The following AJAP1 variants were observed in gnomAD, a reference collection of about 807,000 sequenced individuals.
AJAP1 encodes the protein adherens junction-associated protein 1.
AJAP1 carries 5 observed loss-of-function variants against 35.0 expected under a neutral mutation model. The observed-to-expected ratio is 0.14, with a 90% confidence interval of 0.07 to 0.30. The LOEUF (loss-of-function observed/expected upper bound fraction) is 0.30. Ranked by LOEUF, AJAP1 falls within the 10% of genes least tolerant of loss-of-function variation. The pLI, the probability that AJAP1 is intolerant of heterozygous loss-of-function variation, is 1.00. For synonymous variants in AJAP1, 284 were observed against 249.3 expected, an observed-to-expected ratio of 1.14 and a Z score of -1.31; for missense variants, 586 against 571.0, an observed-to-expected ratio of 1.03 and a Z score of -0.27.
chr1:4,693,665 A>G lies in AJAP1; in HGVS notation c.30-18235A>G, dbSNP rs922555463. On this transcript the variant is annotated intron_variant, in intron 1 of 5. Transcript: ENST00000378191. This position sits in a 1 kb window ranked among gnomAD's most constrained non-coding sequence, Gnocchi z 4.4. ...ATATATGTGAGACTGGGCATTTTAT[A>G]AAAAGCAGAGATTTATTTCTCACAG... Among the ~76,000 whole-genome samples, 1 of 152,206 alleles carries G rather than the reference A, an allele frequency of 6.6e-6. No individual in the cohort carries two copies. Among genetic ancestry groups the G allele is most frequent in the African/African-American group, 2.4e-5 (1 of 41,456 alleles).
In AJAP1 at chr1:4,785,024, G is replaced by A. The variant is rs931117575; in HGVS notation, c.*2539G>A. On this transcript the variant is annotated 3_prime_UTR_variant, in exon 6 of 6. Coordinates refer to ENST00000378191, the MANE Select transcript of AJAP1 (RefSeq NM_018836.4). ...CCAGAGTGAGCCCAACTAAGGAGGA[G>A]GTGACGGCCGGGGGGCCCTGTTGGT... 1 of 152,344 alleles carries A rather than the reference G, an allele frequency of 6.6e-6. No individual in the cohort carries two copies. The highest frequency in any genetic ancestry group is 1.5e-5 in the Non-Finnish European group (1 of 68,130). 9.4% of individuals were successfully genotyped at this position (152,344 alleles called of 1,614,324 possible).
chr1:4,778,608 TC>T (rs1557651943), intron 5 of AJAP1, among the ~76,000 whole-genome samples: 3 of 132,824 alleles, frequency 2.3e-5, no homozygotes, highest in African/African-American at 8.2e-5. Flanking sequence ...TCTCTCTCTC[TC>T]TCTCTTCTCT....
Position 4,734,713 on chromosome 1 carries a change from ATCTG to A in AJAP1, c.829+22018_829+22021del, listed in dbSNP as rs1198114913. Among the ~76,000 whole-genome samples the A allele has an allele frequency of 1.3e-5, 2 of 152,080 alleles. No individual in the cohort carries two copies. The highest frequency in any genetic ancestry group is 1.5e-5 in the Non-Finnish European group (1 of 68,008). On this transcript the variant is annotated intron_variant, in intron 2 of 5. Coordinates refer to ENST00000378191, the MANE Select transcript of AJAP1 (RefSeq NM_018836.4). The surrounding 1 kb of genome is among the most constrained non-coding windows in gnomAD (Gnocchi z 4.3). ...TGGGCGATGCTGAATATGATGCATG[ATCTG>A]TCTTTCGGGTGTTCTTGGAAGGAAG...
intron 1 of AJAP1, among the ~76,000 whole-genome samples, chr1:4,669,947 T>C (rs1429948472): frequency 1.3e-5 from 2 of 152,192 alleles, no homozygotes; most frequent in African/African-American, 4.8e-5. Flanking sequence ...TCAACACTTC[T>C]TGGACACGGG....
In AJAP1 at chr1:4,681,044, G is replaced by A. The variant is rs145428416; in HGVS notation, c.29+25590G>A. ...TGAAATGGAGTGTTCTCTAGCACCCGTTATTGGTTTAAAATCCTGGGGGGA... is the reference window on the plus strand; with the variant it reads ...TGAAATGGAGTGTTCTCTAGCACCCATTATTGGTTTAAAATCCTGGGGGGA... On this transcript the variant is annotated intron_variant, in intron 1 of 5. Transcript: ENST00000378191. 3.6e-3 allele frequency among the ~76,000 whole-genome samples: 542 copies of A among 152,314 alleles called. 3 individuals carry two copies. Among genetic ancestry groups the A allele is most frequent in the African/African-American group, 0.013 (520 of 41,578 alleles).
chr1:4,673,220 TG>T (rs1046131173), intron 1 of AJAP1, among the ~76,000 whole-genome samples: 2 of 152,038 alleles, frequency 1.3e-5, no homozygotes, highest in Non-Finnish European at 1.5e-5. Context: ...TAGGTGGGGT[TG>T]GGGGGGTGTT....
intron 1 of AJAP1, among the ~76,000 whole-genome samples, chr1:4,673,659 GAC>G (rs1223485329): frequency 6.6e-6 from 1 of 152,196 alleles, no homozygotes; most frequent in African/African-American, 2.4e-5. Flanking sequence ...CGGGGCTGTG[GAC>G]ACAGACGCGG....
intron 1 of AJAP1, among the ~76,000 whole-genome samples, chr1:4,689,654 C>T (rs976109763): frequency 6.6e-5 from 10 of 152,236 alleles, no homozygotes; most frequent in African/African-American, 2.4e-4. Context: ...CCGTTTCCTC[C>T]GCCTTGAAAC....
rs902592179 is a variant in AJAP1 at position 4,723,152 on chromosome 1, A to G, written c.829+10453A>G. On this transcript the variant is annotated intron_variant, in intron 2 of 5. Coordinates refer to ENST00000378191, the MANE Select transcript of AJAP1 (RefSeq NM_018836.4). The surrounding 1 kb of genome is among the most constrained non-coding windows in gnomAD (Gnocchi z 4.3). ...CCATCTAGAGGGTCCCTGAGGTTTT[A>G]GTCTGAGCAACTCTTTCTTCAGCTG... Among the ~76,000 whole-genome samples, 8 of 152,106 alleles carry G rather than the reference A, an allele frequency of 5.3e-5. No individual in the cohort carries two copies. Among genetic ancestry groups the G allele is most frequent in the Non-Finnish European group, 1.0e-4 (7 of 68,022 alleles).
chr1:4,748,476 G>C (rs184863846), intron 2 of AJAP1, among the ~76,000 whole-genome samples: 241 of 152,054 alleles, frequency 1.6e-3, no homozygotes, highest in Admixed American at 3.9e-3. Flanking sequence ...GGCTGGGTGC[G>C]GTGTCTCACG....
At chr1:4,778,632 C>G (rs1570233965) in intron 5 of AJAP1, among the ~76,000 whole-genome samples, 7 of 151,746 alleles carry the variant, frequency 4.6e-5, no homozygotes, top group Admixed American at 4.6e-4. Flanking sequence ...GTCTCTCCCC[C>G]TCTCCCTCTC....
chr1:4,735,734 T>C (rs449261), intron 2 of AJAP1, among the ~76,000 whole-genome samples: 69,143 of 151,966 alleles, frequency 0.45, 16,206 homozygotes, highest in Middle Eastern at 0.56. Context: ...AGTGCAGCCA[T>C]CTGAGCCTCA....
At chr1:4,676,973 A>T (rs1396025329) in intron 1 of AJAP1, among the ~76,000 whole-genome samples, 1 of 152,192 alleles carries the variant, frequency 6.6e-6, no homozygotes, top group Non-Finnish European at 1.5e-5. Context: ...CCTGGTCAAC[A>T]TGGTGAAACC....
At chr1:4,675,856 T>C (rs1399741343) in intron 1 of AJAP1, among the ~76,000 whole-genome samples, 1 of 152,184 alleles carries the variant, frequency 6.6e-6, no homozygotes, top group Non-Finnish European at 1.5e-5. Context: ...GGCGGAAATT[T>C]TAGGAGAGAA....
chr1:4,775,580 C>CG (rs1412772959), intron 5 of AJAP1, among the ~76,000 whole-genome samples: 1 of 152,174 alleles, frequency 6.6e-6, no homozygotes, highest in Non-Finnish European at 1.5e-5. Context: ...TTGCTGGGGG[C>CG]GGGGAACCAG....
chr1:4,704,377 A>G (rs1325173263), intron 1 of AJAP1, among the ~76,000 whole-genome samples: 2 of 133,402 alleles, frequency 1.5e-5, no homozygotes, highest in Admixed American at 9.4e-5. Flanking sequence ...CTCATTGTTC[A>G]ATTCCCACCT....
In AJAP1 at chr1:4,778,711, C is replaced by T. The variant is rs186689055; in HGVS notation, c.*60-3834C>T. ...GTAGTCTTGGAAGAGACTCCCTTCC[C>T]TGCATAGCCGGGGATGTCTGGCATA... On this transcript the variant is annotated intron_variant, in intron 5 of 5. Coordinates refer to ENST00000378191, the MANE Select transcript of AJAP1 (RefSeq NM_018836.4). Among the ~76,000 whole-genome samples, 7 of 152,264 alleles carry T rather than the reference C, an allele frequency of 4.6e-5. No homozygotes were observed. The East Asian group carries it at 1.4e-3, about 29-fold the overall frequency.
At chr1:4,759,631 T>A (rs1332724879) in intron 2 of AJAP1, among the ~76,000 whole-genome samples, 1 of 152,158 alleles carries the variant, frequency 6.6e-6, no homozygotes, top group Admixed American at 6.5e-5. Context: ...CTTCCATGGC[T>A]TCTCCCACCT....
chr1:4,751,496 G>T (rs975310098), intron 2 of AJAP1, among the ~76,000 whole-genome samples: 1 of 152,184 alleles, frequency 6.6e-6, no homozygotes, highest in Non-Finnish European at 1.5e-5. Context: ...TCACTCACTC[G>T]TTCAATCAGT....
Sources: allele counts gnomAD v4.1 joint callset (sites outside exome capture counted in the v4.1 genomes callset), GRCh38; gene constraint gnomAD v4.1.1; non-coding constraint Gnocchi (gnomAD v3.1); transcripts MANE v1.5; gene names NCBI Gene and HGNC (gene_info 2026-07-23, HGNC 2026-07-21).